The following MTOR variants were observed in gnomAD, a reference collection of about 807,000 sequenced individuals.
MTOR encodes the protein mechanistic target of rapamycin kinase.
Under a neutral mutation model 319.8 loss-of-function variants are expected in MTOR, and 70 were observed. The observed-to-expected ratio is 0.22, with a 90% CI of 0.18 to 0.27. MTOR has a LOEUF of 0.27. Among genes scored for constraint, MTOR ranks in the 10% least tolerant of loss-of-function variants. MTOR has a pLI of 1.00. For synonymous variants in MTOR, 1,183 were observed against 1,211.4 expected, an observed-to-expected ratio of 0.98 and a Z score of 0.49; for missense variants, 1,890 against 3,274.4, an observed-to-expected ratio of 0.58 and a Z score of 10.32.
intron 29 of MTOR, among the ~76,000 whole-genome samples, chr1:11,166,317 G>A (rs1394395438): frequency 6.6e-6 from 1 of 152,180 alleles, no homozygotes; most frequent in Admixed American, 6.5e-5. Flanking sequence ...GCAACCTACA[G>A]AATGGGAGAA....
At chr1:11,232,927 C>A in intron 15 of MTOR, 1 of 672,284 alleles carries the variant, frequency 1.5e-6, no homozygotes, top group South Asian at 1.7e-5. Flanking sequence ...TTCCTTTCTC[C>A]ACCATCATGG....
rs759337056 is a variant in MTOR at position 11,247,888 on chromosome 1, G to A, written c.1047C>T (p.Pro349=). The A allele has an allele frequency of 1.2e-6, 2 of 1,614,180 alleles. No individual in the cohort carries two copies. Among genetic ancestry groups the A allele is most frequent in the Non-Finnish European group, 1.7e-6 (2 of 1,180,038 alleles). ...HQGLMGFGTS[P]SPAKSTLVES... ...CCACCAGGGTGGACTTAGCTGGACTGGGGGAGGTCCCAAATCCCATGAGGC... is the reference window on the plus strand; with the variant it reads ...CCACCAGGGTGGACTTAGCTGGACTAGGGGAGGTCCCAAATCCCATGAGGC... The change falls in exon 7 of 58, where the codon CCC becomes CCT. Residue 349 remains proline, a synonymous_variant. Coordinates refer to ENST00000361445, the MANE Select transcript of MTOR (RefSeq NM_004958.4).
chr1:11,225,888 G>A (rs1646819438), intron 19 of MTOR, among the ~76,000 whole-genome samples: 1 of 152,102 alleles, frequency 6.6e-6, no homozygotes, highest in Non-Finnish European at 1.5e-5. Flanking sequence ...AAAATGAACA[G>A]CTTCCTAAAA....
chr1:11,256,341 A>G, intron 4 of MTOR, 149 bp from the exon 5 acceptor site: 1 of 1,442,398 alleles, frequency 6.9e-7, no homozygotes, highest in Non-Finnish European at 9.1e-7. Flanking sequence ...GGACAGAGGA[A>G]GGAAAGCAAA....
intron 18 of MTOR, among the ~76,000 whole-genome samples, chr1:11,229,473 A>G (rs1310103001): frequency 6.6e-6 from 1 of 152,158 alleles, no homozygotes; most frequent in African/African-American, 2.4e-5. Flanking sequence ...TAAACAGATG[A>G]AGAGCTGGGC....
intron 6 of MTOR, among the ~76,000 whole-genome samples, chr1:11,253,482 C>T (rs1649965787): frequency 6.6e-6 from 1 of 152,156 alleles, no homozygotes; most frequent in South Asian, 2.1e-4. Flanking sequence ...AGCCATACTT[C>T]CCTTTCTTCT....
In MTOR at chr1:11,259,436, G is replaced by C; in HGVS notation, c.-14-13C>G. On this transcript the variant is annotated splice_polypyrimidine_tract_variant and intron_variant, in intron 1 of 57. Transcript: ENST00000361445. Reference sequence around the variant, plus strand: ...TTGCCCTGAGGTTCTTTAGAGAGAAGTTTCCTTTAATATTCTGGATAAGAA... The same window carrying C: ...TTGCCCTGAGGTTCTTTAGAGAGAACTTTCCTTTAATATTCTGGATAAGAA... The C allele has an allele frequency of 2.0e-6, 3 of 1,520,274 alleles. No homozygotes were observed. The highest frequency in any genetic ancestry group is 2.6e-6 in the Non-Finnish European group (3 of 1,140,992). 94.2% of individuals were successfully genotyped at this position (1,520,274 alleles called of 1,614,324 possible).
intron 15 of MTOR, 32 bp from the exon 16 acceptor site, chr1:11,232,560 G>A (rs760138083): frequency 6.3e-7 from 1 of 1,582,820 alleles, no homozygotes; most frequent in Middle Eastern, 1.7e-4. Context: ...GGCAGAAAGG[G>A]TTAGAAATTC....
At chr1:11,238,189 T>C (rs1647467457) in intron 12 of MTOR, 141 bp from the exon 13 acceptor site, 1 of 949,140 alleles carries the variant, frequency 1.1e-6, no homozygotes, top group Non-Finnish European at 1.6e-6. Flanking sequence ...TTCTTTTCTC[T>C]ACTCACAAGA....
In MTOR at chr1:11,212,433, T is replaced by C; in HGVS notation, c.3440A>G (p.Asp1147Gly). The change falls in exon 23 of 58, where the codon GAT becomes GGT. Residue 1147 changes from aspartate to glycine, a missense_variant. Asp to Gly is a moderately conservative substitution (Grantham distance 94). This residue lies in a region of MTOR where 377 missense variants were observed against 653.9 expected (regional missense o/e 0.58). Coordinates refer to ENST00000361445, the MANE Select transcript of MTOR (RefSeq NM_004958.4). This position sits in a 1 kb window ranked among gnomAD's most constrained non-coding sequence, Gnocchi z 4.1. Reference sequence around the variant, plus strand: ...GATCCGGGAGGCATAGTCAGTGAAATCCAGGGACTCCGTCAGGCGGTCCAC... The same window carrying C: ...GATCCGGGAGGCATAGTCAGTGAAACCCAGGGACTCCGTCAGGCGGTCCAC... ...ETVDRLTESL[D>G]FTDYASRIIH... 1.2e-6 allele frequency: 2 copies of C among 1,614,096 alleles called. No individual in the cohort carries two copies. Among genetic ancestry groups the C allele is most frequent in the Non-Finnish European group, 1.7e-6 (2 of 1,180,012 alleles).
At chr1:11,216,379 C>A in intron 19 of MTOR, 145 bp from the exon 20 acceptor site, 1 of 576,612 alleles carries the variant, frequency 1.7e-6, no homozygotes, top group South Asian at 2.6e-5. Flanking sequence ...TTCAAAGACC[C>A]AAGCTTGGCT....
chr1:11,209,238 A>C (rs1446171092), intron 25 of MTOR, 74 bp downstream of exon 25: 4 of 1,583,482 alleles, frequency 2.5e-6, no homozygotes, highest in African/African-American at 2.7e-5. Flanking sequence ...TGCCCAGTTT[A>C]AACAGTTAAA....
At chr1:11,113,024 GCCCC>G in intron 53 of MTOR, 107 bp from the exon 54 acceptor site, 1 of 1,210,826 alleles carries the variant, frequency 8.3e-7, no homozygotes, top group Non-Finnish European at 1.2e-6. Context: ...TAAAGCTATA[GCCCC>G]AAAAAAAGAG....
At chr1:11,260,785 T>A (rs897031326) in intron 1 of MTOR, among the ~76,000 whole-genome samples, 5 of 151,498 alleles carry the variant, frequency 3.3e-5, no homozygotes, top group African/African-American at 1.2e-4. Context: ...CAATTTGGAC[T>A]AGTCATTTTT....
rs374899461 is a variant in MTOR at position 11,117,852 on chromosome 1, G to A, written c.6934-766C>T. ...CCCAGCACTTTGGGAGGCCGAGGTG[G>A]GTGGATCACCTGAGATCAGGAGTTT... On this transcript the variant is annotated intron_variant, in intron 49 of 57. Transcript: ENST00000361445. Among the ~76,000 whole-genome samples the A allele has an allele frequency of 3.2e-4, 48 of 152,068 alleles. No homozygotes were observed. The South Asian group carries it at 7.9e-3, about 25-fold the overall frequency.
At position 11,210,630 on chromosome 1, in the gene MTOR, T is replaced by G. The variant is rs569768897; in HGVS notation, c.3654+184A>C. 2.0e-5 allele frequency among the ~76,000 whole-genome samples: 3 copies of G among 152,358 alleles called. No individual in the cohort carries two copies. The South Asian group carries it at 6.2e-4, about 32-fold the overall frequency. On this transcript the variant is annotated intron_variant, in intron 24 of 57. Coordinates refer to ENST00000361445, the MANE Select transcript of MTOR (RefSeq NM_004958.4). ...ATTTACACATTGTGTATGGCTGCTCTCAGGCTGTAGTGGCAGAGCTGAGGA... is the reference window on the plus strand; with the variant it reads ...ATTTACACATTGTGTATGGCTGCTCGCAGGCTGTAGTGGCAGAGCTGAGGA...
Position 11,121,501 on chromosome 1 carries a change from TAAG to T in MTOR, c.6811-136_6811-134del, listed in dbSNP as rs1642523504. 8.0e-7 allele frequency: 1 copy of T among 1,250,136 alleles called. No homozygotes were observed. Among genetic ancestry groups the T allele is most frequent in the Admixed American group, 2.3e-5 (1 of 44,206 alleles). 77.4% of individuals were successfully genotyped at this position (1,250,136 alleles called of 1,614,324 possible). A position where few individuals can be genotyped will look rare whatever the true frequency, so the allele number is the denominator to read the frequency against. ...CATCATAGCCAAAGGAGAAGGGAAA[TAAG>T]AACATGGCAAAAGGAGAAACGAAGT... On this transcript the variant is annotated intron_variant, in intron 48 of 57. Transcript: ENST00000361445. The surrounding 1 kb of genome is among the most constrained non-coding windows in gnomAD (Gnocchi z 4.9).
intron 14 of MTOR, 37 bp from the exon 15 acceptor site, chr1:11,233,524 A>C (rs1164917874): frequency 6.7e-7 from 1 of 1,492,960 alleles, no homozygotes; most frequent in Non-Finnish European, 9.3e-7. Flanking sequence ...AATGCAGATT[A>C]GACTCTACTA....
rs1366408332 is a variant in MTOR at position 11,112,864 on chromosome 1, C to T, written c.7354G>A (p.Gly2452Ser). The T allele has an allele frequency of 6.2e-7, 1 of 1,614,230 alleles. No individual in the cohort carries two copies. Among genetic ancestry groups the T allele is most frequent in the East Asian group, 2.2e-5 (1 of 44,884 alleles). ...SRTRTDSYSA[G>S]QSVEILDGVE... Reference sequence around the variant, plus strand: ...TGGATGCACCTACCGACTGACTGGCCAGCAGAGTAGGAATCCGTCCTCGTT... The same window carrying T: ...TGGATGCACCTACCGACTGACTGGCTAGCAGAGTAGGAATCCGTCCTCGTT... Residue 2452 changes from glycine (G) to serine (S), a missense_variant, in exon 54 of 58, where the codon GGC becomes AGC. Gly to Ser is a moderately conservative substitution (Grantham distance 56). This residue lies in a region of MTOR where 49 missense variants were observed against 67.6 expected (regional missense o/e 0.72). Transcript: ENST00000361445.
Sources: gnomAD v4.1 joint callset for allele counts (sites outside exome capture counted in the v4.1 genomes callset) on GRCh38, gnomAD v4.1.1 for gene constraint, gnomAD v4.1.1 regional missense constraint, Gnocchi (gnomAD v3.1) non-coding constraint, MANE v1.5 for transcripts, NCBI Gene and HGNC (gene_info 2026-07-23, HGNC 2026-07-21) for gene names.